The following MTA2 variants were observed in gnomAD, a reference collection of about 807,000 sequenced individuals.
MTA2 encodes metastasis associated 1 family member 2.
MTA2 carries 22 observed loss-of-function variants against 87.1 expected under a neutral mutation model. The ratio of observed to expected loss-of-function variants is 0.25; its 90% CI spans 0.18 to 0.36. MTA2 has a LOEUF of 0.36. Among genes scored for constraint, MTA2 ranks in the 10% least tolerant of loss-of-function variants. The pLI is 1.00. For synonymous variants in MTA2, 314 were observed against 310.1 expected, an observed-to-expected ratio of 1.01 and a Z score of -0.13; for missense variants, 542 against 853.2, an observed-to-expected ratio of 0.64 and a Z score of 4.54.
chr11:62,601,200 G>A (rs1942188345), intron 1 of MTA2: 2 of 573,356 alleles, frequency 3.5e-6, no homozygotes, highest in Non-Finnish European at 3.0e-6. Context: ...AGCCCCGAAA[G>A]TGCCGTCGGG....
Position 62,595,467 on chromosome 11 carries a change from G to A in MTA2, c.1280C>T (p.Ser427Phe). 3 of 1,614,202 alleles carry A rather than the reference G, an allele frequency of 1.9e-6. No homozygotes were observed. Among genetic ancestry groups the A allele is most frequent in the Non-Finnish European group, 1.7e-6 (2 of 1,180,038 alleles). ...AGAGAGACTTTGAGCTTCAGGTCTGGATAAATGACCCCTTGAGTGTGGCTC... is the reference window on the plus strand; with the variant it reads ...AGAGAGACTTTGAGCTTCAGGTCTGAATAAATGACCCCTTGAGTGTGGCTC... ...TTEPHSRGHL[S>F]RPEAQSLSPY... The change falls in exon 14 of 18, where the codon TCC (serine) becomes TTC (phenylalanine). Residue 427 changes from serine (S) to phenylalanine (F), a missense_variant. Physicochemically the swap from Ser to Phe is radical, Grantham distance 155. Around this residue, in one of 6 missense-constraint regions of MTA2, gnomAD observed 269 missense variants for 346.4 expected, o/e 0.78. Transcript: ENST00000278823. The surrounding 1 kb of genome is among the most constrained non-coding windows in gnomAD (Gnocchi z 4.9).
In MTA2 at chr11:62,596,540, G is replaced by C; in HGVS notation, c.883-8C>G. 1 of 1,614,074 alleles carries C rather than the reference G, an allele frequency of 6.2e-7. No homozygotes were observed. The highest frequency in any genetic ancestry group is 1.1e-5 in the South Asian group (1 of 91,070). On this transcript the variant is annotated splice_region_variant and splice_polypyrimidine_tract_variant and intron_variant, in intron 9 of 17. Coordinates refer to ENST00000278823, the MANE Select transcript of MTA2 (RefSeq NM_004739.4). ...AAGTGACTTCCAGGGTAGCTAAGGGGGGCAGAGGGAGGAAGAATGAGCTGG... is the reference window on the plus strand; with the variant it reads ...AAGTGACTTCCAGGGTAGCTAAGGGCGGCAGAGGGAGGAAGAATGAGCTGG...
At position 62,595,596 on chromosome 11, in the gene MTA2, T is replaced by C; in HGVS notation, c.1255-104A>G. 1.3e-6 allele frequency: 2 copies of C among 1,515,542 alleles called. No homozygotes were observed. Among genetic ancestry groups the C allele is most frequent in the African/African-American group, 1.4e-5 (1 of 72,462 alleles). 93.9% of individuals were successfully genotyped at this position (1,515,542 alleles called of 1,614,324 possible). On this transcript the variant is annotated intron_variant, in intron 13 of 17. Transcript: ENST00000278823. This position sits in a 1 kb window ranked among gnomAD's most constrained non-coding sequence, Gnocchi z 4.9. ...ACAATTTATTCCTGTCTAATCTCTTTACTGACCTCTTGGCCTATGTGTCTC... is the reference window on the plus strand; with the variant it reads ...ACAATTTATTCCTGTCTAATCTCTTCACTGACCTCTTGGCCTATGTGTCTC...
chr11:62,601,361 C>T lies in MTA2; in HGVS notation c.28+62G>A, dbSNP rs1942194558. 2.5e-6 allele frequency: 4 copies of T among 1,589,054 alleles called. No homozygotes were observed. The African/African-American group carries it at 4.1e-5, about 16-fold the overall frequency. ...GCCTCGCGCCACCCGGTGCCGAGCC[C>T]CTCAGGTCCCTACCCCAACCTCTCC... is the stretch of plus-strand genomic sequence containing the variant. On this transcript the variant is annotated intron_variant, in intron 1 of 17. Coordinates refer to ENST00000278823, the MANE Select transcript of MTA2 (RefSeq NM_004739.4).
At chr11:62,598,217 C>A in intron 5 of MTA2, 76 bp from the exon 6 acceptor site, 1 of 1,568,014 alleles carries the variant, frequency 6.4e-7, no homozygotes, top group Non-Finnish European at 8.8e-7. Context: ...ATCTGAGTTT[C>A]CATGACCGGC....
At chr11:62,597,095 A>G (rs1342328289) in intron 8 of MTA2, among the ~76,000 whole-genome samples, 1 of 152,104 alleles carries the variant, frequency 6.6e-6, no homozygotes, top group African/African-American at 2.4e-5. Flanking sequence ...AGGCTGAGGC[A>G]GGAGAGTGGT....
chr11:62,598,096 G>A lies in MTA2; in HGVS notation c.418C>T (p.Leu140Phe). 1 of 1,614,124 alleles carries A rather than the reference G, an allele frequency of 6.2e-7. No individual in the cohort carries two copies. The highest frequency in any genetic ancestry group is 1.3e-5 in the African/African-American group (1 of 75,016). Reference protein sequence around the residue: ...SLVFDPVQKTLLADQGEIRVG... With the variant: ...SLVFDPVQKTFLADQGEIRVG... ...CTAATCTCGCCCTGATCAGCGAGAA[G>A]TGTCTTCTGCACGGGGTCAAACACC... Residue 140 changes from leucine (L) to phenylalanine (F), a missense_variant, in exon 6 of 18, where the codon CTT becomes TTT. This residue lies in a region of MTA2 where 150 missense variants were observed against 243.9 expected (regional missense o/e 0.62). Coordinates refer to ENST00000278823, the MANE Select transcript of MTA2 (RefSeq NM_004739.4).
At chr11:62,599,001 TG>T (rs1248042115) in intron 3 of MTA2, among the ~76,000 whole-genome samples, 5 of 152,180 alleles carry the variant, frequency 3.3e-5, no homozygotes, top group African/African-American at 1.2e-4. Context: ...GAACTCAAGA[TG>T]AAAAAATATC....
At chr11:62,600,586 T>C (rs1393519671) in intron 2 of MTA2, 36 bp downstream of exon 2, 3 of 1,590,222 alleles carry the variant, frequency 1.9e-6, no homozygotes, top group Non-Finnish European at 2.6e-6. Context: ...AAGAGACCAC[T>C]GCGGGAGGGA....
chr11:62,593,940 G>A lies in MTA2; in HGVS notation c.1942C>T (p.Pro648Ser), dbSNP rs1942059997. The A allele has an allele frequency of 2.5e-6, 4 of 1,614,046 alleles. No homozygotes were observed. The highest frequency in any genetic ancestry group is 1.6e-4 in the Middle Eastern group (1 of 6,080). The part of the protein sequence containing the change: ...VKPTLIAVRP[P>S]VPLPAPSHPA... ...TGTGAGGGTGCAGGTAGAGGGACAG[G>A]GGGCCGCACTGCAATCAGCGTTGGC... The change falls in exon 18 of 18, where the codon CCT becomes TCT. Residue 648 changes from proline to serine, a missense_variant. Physicochemically the swap from Pro to Ser is moderately conservative, Grantham distance 74. Coordinates refer to ENST00000278823, the MANE Select transcript of MTA2 (RefSeq NM_004739.4).
intron 11 of MTA2, 79 bp from the exon 12 acceptor site, chr11:62,596,186 C>G: frequency 6.3e-7 from 1 of 1,593,670 alleles, no homozygotes; most frequent in Non-Finnish European, 8.6e-7. Context: ...CTCAGTGTGC[C>G]CCTACCTCCT....
rs764366720 is a variant in MTA2, at chr11:62,598,036, G to A, written c.478C>T (p.Arg160Cys). The A allele has an allele frequency of 1.5e-5, 25 of 1,613,674 alleles. No homozygotes were observed. The highest frequency in any genetic ancestry group is 4.4e-5 in the South Asian group (4 of 91,068). ...TCCTGTTGCTTACCCTCTACTAGGC[G>A]ATCTGGGATCTCAGCTTGGTATTTG... ...GCKYQAEIPDRLVEGESDNRN... is the reference protein window; with the variant it reads ...GCKYQAEIPDCLVEGESDNRN... The change falls in exon 6 of 18, where the codon CGC (arginine) becomes TGC (cysteine). Residue 160 changes from arginine (R) to cysteine (C), a missense_variant. This residue lies in a region of MTA2 where 150 missense variants were observed against 243.9 expected (regional missense o/e 0.62). Transcript: ENST00000278823.
rs906817409 is a variant in MTA2 at position 62,601,474 on chromosome 11, G to A, written c.-24C>T. 1.9e-6 allele frequency: 3 copies of A among 1,606,696 alleles called. No individual in the cohort carries two copies. The highest frequency in any genetic ancestry group is 3.3e-5 in the Admixed American group (2 of 59,746). On this transcript the variant is annotated 5_prime_UTR_variant, in exon 1 of 18. Transcript: ENST00000278823. ...ATGGCCGTTCCCGCCGCCGCCTCCG[G>A]CCGCACAAAGGGGTCCGGGAGGCTC...
rs746328625 is a variant in MTA2, at chr11:62,595,101, G to A, written c.1484-31C>T. 23 of 1,608,284 alleles carry A rather than the reference G, an allele frequency of 1.4e-5. No homozygotes were observed. Among genetic ancestry groups the A allele is most frequent in the African/African-American group, 4.0e-5 (3 of 74,642 alleles). Reference sequence around the variant, plus strand: ...GAACAAAGAAGAAAGCTTCTGAAGGGCTTCACCATTCAGGTCTCCTCTAAG... The same window carrying A: ...GAACAAAGAAGAAAGCTTCTGAAGGACTTCACCATTCAGGTCTCCTCTAAG... On this transcript the variant is annotated intron_variant, in intron 14 of 17. Transcript: ENST00000278823. This position sits in a 1 kb window ranked among gnomAD's most constrained non-coding sequence, Gnocchi z 4.9.
chr11:62,596,232 G>C, intron 11 of MTA2, 47 bp downstream of exon 11: 1 of 1,607,170 alleles, frequency 6.2e-7, no homozygotes, highest in South Asian at 1.1e-5. Context: ...CACAAGTTAG[G>C]GGAAGGGAAG....
At chr11:62,594,810 A>G (rs1942075596) in intron 15 of MTA2, among the ~76,000 whole-genome samples, 171 bp downstream of exon 15, 1 of 152,192 alleles carries the variant, frequency 6.6e-6, no homozygotes, top group South Asian at 2.1e-4. Context: ...TTATCAAATC[A>G]GTACAGTAAT....
chr11:62,597,957 TATA>T (rs1385392252), intron 6 of MTA2, 64 bp downstream of exon 6: 1 of 1,384,388 alleles, frequency 7.2e-7, no homozygotes, highest in East Asian at 2.3e-5. Context: ...TCACAGAGAC[TATA>T]ATGTTAAAGT....
intron 6 of MTA2, 40 bp from the exon 7 acceptor site, chr11:62,597,752 G>T (rs954704654): frequency 1.3e-6 from 2 of 1,545,906 alleles, no homozygotes; most frequent in South Asian, 1.1e-5. Flanking sequence ...GAGAGGGCAG[G>T]GGGGAACAGT....
chr11:62,601,300 G>C (rs1355340189), intron 1 of MTA2, 123 bp downstream of exon 1: 1 of 1,268,248 alleles, frequency 7.9e-7, no homozygotes, highest in East Asian at 2.8e-5. Context: ...TTCCGGTTCC[G>C]GTCCGCGCTC....
Sources: allele counts gnomAD v4.1 joint callset (sites outside exome capture counted in the v4.1 genomes callset), GRCh38; gene constraint gnomAD v4.1.1; regional missense constraint gnomAD v4.1.1; non-coding constraint Gnocchi (gnomAD v3.1); transcripts MANE v1.5; gene names NCBI Gene and HGNC (gene_info 2026-07-23, HGNC 2026-07-21).